RECQL5: variants seen among roughly 807,000 people sequenced by gnomAD.
RECQL5 encodes the protein RecQ like helicase 5.
Under a neutral mutation model 103.4 loss-of-function variants are expected in RECQL5, and 88 were observed. The ratio of observed to expected loss-of-function variants is 0.85; its 90% CI spans 0.72 to 1.02. The LOEUF is 1.02. Ranked by LOEUF, RECQL5 falls within the 50% of genes least tolerant of loss-of-function variation. RECQL5 has a pLI of 0.00. For synonymous variants in RECQL5, 552 were observed against 507.9 expected, an observed-to-expected ratio of 1.09 and a Z score of -1.17; for missense variants, 1,232 against 1,284.3, an observed-to-expected ratio of 0.96 and a Z score of 0.62.
intron 7 of RECQL5, among the ~76,000 whole-genome samples, chr17:75,653,974 T>C (rs893005301): frequency 3.9e-5 from 6 of 152,166 alleles, no homozygotes; most frequent in Admixed American, 2.0e-4. Flanking sequence ...ACATCATCTA[T>C]TGAGTTTCTG....
intron 8 of RECQL5, chr17:75,649,920 A>C (rs1052484951): frequency 1.0e-6 from 1 of 985,450 alleles, no homozygotes; most frequent in African/African-American, 1.7e-5. Flanking sequence ...TGACAGGAGA[A>C]ATGAAGGCAG....
At chr17:75,643,265 A>G (rs2059453522) in intron 8 of RECQL5, among the ~76,000 whole-genome samples, 1 of 152,268 alleles carries the variant, frequency 6.6e-6, no homozygotes, top group Non-Finnish European at 1.5e-5. Flanking sequence ...GCATAAGAAT[A>G]GCCCTGCTCC....
At chr17:75,659,710 A>G (rs955886484) in intron 6 of RECQL5, among the ~76,000 whole-genome samples, 1 of 152,162 alleles carries the variant, frequency 6.6e-6, no homozygotes, top group African/African-American at 2.4e-5. Flanking sequence ...AATGTAACGC[A>G]CTATAAAATT....
chr17:75,661,546 A>C, intron 5 of RECQL5, 60 bp downstream of exon 5: 1 of 1,176,746 alleles, frequency 8.5e-7, no homozygotes, highest in Non-Finnish European at 1.3e-6. Flanking sequence ...GTAAAGAACA[A>C]GAGACCAGCT....
In RECQL5 at chr17:75,665,164, C is replaced by T. The variant is rs2059751429; in HGVS notation, c.139G>A (p.Asp47Asn). 2 of 1,608,082 alleles carry T rather than the reference C, an allele frequency of 1.2e-6. No homozygotes were observed. The highest frequency in any genetic ancestry group is 1.7e-6 in the Non-Finnish European group (2 of 1,178,240). The change falls in exon 3 of 20, where the codon GAC becomes AAC. Residue 47 changes from aspartate to asparagine, a missense_variant. By Grantham distance (23) the Asp-to-Asn change is conservative (BLOSUM62 1). Transcript: ENST00000317905. The part of the protein sequence containing the change: ...ATMAVVKGNK[D>N]VFVCMPTGAG... ...CCTGTGGGCATGCACACAAAGACGTCCTTGTTACCTGAAAAAATACAAGAC... is the reference window on the plus strand; with the variant it reads ...CCTGTGGGCATGCACACAAAGACGTTCTTGTTACCTGAAAAAATACAAGAC...
At chr17:75,634,125 CGAAGGA>C (rs2059274269) in intron 8 of RECQL5, 1 of 985,496 alleles carries the variant, frequency 1.0e-6, no homozygotes, top group African/African-American at 1.7e-5. Flanking sequence ...GCGGCGCCCA[CGAAGGA>C]AGTACGAGGA....
At chr17:75,634,425 C>T (rs1463381553) in intron 8 of RECQL5, among the ~76,000 whole-genome samples, 1 of 152,216 alleles carries the variant, frequency 6.6e-6, no homozygotes, top group African/African-American at 2.4e-5. Flanking sequence ...CTGCTCAGAG[C>T]GCCTCCTGCT....
intron 8 of RECQL5, chr17:75,650,466 G>A: frequency 7.3e-7 from 1 of 1,365,652 alleles, no homozygotes; most frequent in Non-Finnish European, 9.5e-7. Context: ...AGTGGCCTCA[G>A]TCTACCATGA....
At chr17:75,628,518 TC>T in intron 17 of RECQL5, 76 bp from the exon 18 acceptor site, 1 of 1,548,740 alleles carries the variant, frequency 6.5e-7, no homozygotes, top group Non-Finnish European at 8.8e-7. Context: ...GAAGACTGGG[TC>T]CCCGCACCAG....
chr17:75,658,199 C>T, intron 7 of RECQL5, 99 bp downstream of exon 7: 3 of 1,374,572 alleles, frequency 2.2e-6, no homozygotes, highest in Non-Finnish European at 2.0e-6. Flanking sequence ...GAGCAGCCTC[C>T]TCTAGCTTAC....
intron 8 of RECQL5, chr17:75,647,249 C>A: frequency 1.3e-6 from 1 of 769,772 alleles, no homozygotes; most frequent in Non-Finnish European, 2.0e-6. Flanking sequence ...CCCCTGGCTG[C>A]CAGGCGGGCC....
rs535668238 is a variant in RECQL5, at chr17:75,627,844, C to G, written c.2806-152G>C. 6.5e-4 allele frequency: 441 copies of G among 677,752 alleles called. 1 individual carries two copies. In the African/African-American group the frequency reaches 6.7e-3, roughly 10 times the overall value. 42.0% of individuals were successfully genotyped at this position (677,752 alleles called of 1,614,324 possible). A position where few individuals can be genotyped will look rare whatever the true frequency, so the allele number is the denominator to read the frequency against. On this transcript the variant is annotated intron_variant, in intron 18 of 19. Transcript: ENST00000317905. ...ACCATCCTGGCTAACACGGTGAAAC[C>G]CTGACTCTACTAAAAATACCAAAAA...
chr17:75,641,311 A>C (rs2059431070), intron 8 of RECQL5: 1 of 171,346 alleles, frequency 5.8e-6, no homozygotes, highest in East Asian at 1.6e-4. Context: ...TTTGTGCAAT[A>C]GCTTCTGCAT....
At chr17:75,629,956 C>T in intron 14 of RECQL5, 114 bp from the exon 15 acceptor site, 1 of 1,394,000 alleles carries the variant, frequency 7.2e-7, no homozygotes, top group Non-Finnish European at 9.5e-7. Flanking sequence ...CCAGTGGCCA[C>T]AGGCAACTGA....
In RECQL5 at chr17:75,662,600, T is replaced by C. The variant is rs2059714185; in HGVS notation, c.650A>G (p.Lys217Arg). 2 of 1,614,068 alleles carry C rather than the reference T, an allele frequency of 1.2e-6. No homozygotes were observed. The highest frequency in any genetic ancestry group is 2.7e-5 in the African/African-American group (2 of 74,924). ...GAGGTTGGCCCGGAAGCAGGGAGTC[T>C]TGAAGATGGCAACTGGTTTCTTCAG... is the stretch of plus-strand genomic sequence containing the variant. ...LHLKKPVAIF[K>R]TPCFRANLFY... Residue 217 changes from lysine to arginine, a missense_variant, in exon 4 of 20, where the codon AAG (lysine) becomes AGG (arginine). Transcript: ENST00000317905.
chr17:75,655,230 C>T (rs1340380219), intron 7 of RECQL5, among the ~76,000 whole-genome samples: 1 of 152,256 alleles, frequency 6.6e-6, no homozygotes, highest in African/African-American at 2.4e-5. Flanking sequence ...CGCCACCACG[C>T]GCGGCTAATT....
intron 8 of RECQL5, among the ~76,000 whole-genome samples, chr17:75,635,464 C>T (rs924657414): frequency 6.6e-6 from 1 of 152,234 alleles, no homozygotes; most frequent in Non-Finnish European, 1.5e-5. Flanking sequence ...GCAGAAAGAG[C>T]GCCTACTGTT....
chr17:75,658,284 T>C lies in RECQL5; in HGVS notation c.1149+14A>G, dbSNP rs2059653741. On this transcript the variant is annotated intron_variant, in intron 7 of 19. Coordinates refer to ENST00000317905, the MANE Select transcript of RECQL5 (RefSeq NM_004259.7). ...TGGGTCAGACTGAAAGACCTTCTAC[T>C]GCCCAAGCCTTACCTGGAGTTTTGC... 5 of 1,610,344 alleles carry C rather than the reference T, an allele frequency of 3.1e-6. No individual in the cohort carries two copies. The highest frequency in any genetic ancestry group is 4.2e-6 in the Non-Finnish European group (5 of 1,177,752).
intron 2 of RECQL5, among the ~76,000 whole-genome samples, chr17:75,665,639 G>A (rs533488485): frequency 2.0e-5 from 3 of 148,650 alleles, no homozygotes; most frequent in South Asian, 4.2e-4. Flanking sequence ...GCAGTGAGCC[G>A]AGATCGCGCC....
Sources: gnomAD v4.1 joint callset for allele counts (sites outside exome capture counted in the v4.1 genomes callset) on GRCh38, gnomAD v4.1.1 for gene constraint, MANE v1.5 for transcripts, NCBI Gene and HGNC (gene_info 2026-07-23, HGNC 2026-07-21) for gene names.